NBEAL1: variants seen among roughly 807,000 people sequenced by gnomAD.
NBEAL1 encodes neurobeachin-like protein 1.
Under a neutral mutation model 351.3 loss-of-function variants are expected in NBEAL1, and 273 were observed. That is an observed-to-expected ratio of 0.78 (90% CI 0.70 to 0.86). NBEAL1 has a LOEUF of 0.86. Ranked by LOEUF, NBEAL1 falls within the 40% of genes least tolerant of loss-of-function variation. The pLI is 0.00. For missense variants in NBEAL1, 2,961 were observed against 3,201.3 expected, an observed-to-expected ratio of 0.92 and a Z score of 1.81; for synonymous variants, 1,050 against 1,086.4, an observed-to-expected ratio of 0.97 and a Z score of 0.66.
At chr2:203,063,105 G>A (rs2061525805) in intron 6 of NBEAL1, among the ~76,000 whole-genome samples, 1 of 152,080 alleles carries the variant, frequency 6.6e-6, no homozygotes, top group African/African-American at 2.4e-5. Context: ...TGATTAATCT[G>A]TTATCAATTT....
chr2:203,079,761 G>T (rs2061840328), intron 8 of NBEAL1, among the ~76,000 whole-genome samples: 1 of 151,924 alleles, frequency 6.6e-6, no homozygotes, highest in Non-Finnish European at 1.5e-5. Context: ...AATACACTAG[G>T]CATATTACCT....
intron 27 of NBEAL1, among the ~76,000 whole-genome samples, chr2:203,133,952 T>G (rs951510144): frequency 1.3e-5 from 2 of 152,072 alleles, no homozygotes; most frequent in African/African-American, 4.8e-5. Flanking sequence ...ACATTTAGGT[T>G]GTTTCCTGCT....
At chr2:203,149,178 CT>C (rs764223471) in intron 34 of NBEAL1, 30 bp downstream of exon 34, 3 of 1,540,410 alleles carry the variant, frequency 1.9e-6, no homozygotes, top group South Asian at 2.5e-5. Flanking sequence ...TTAAGTACTC[CT>C]TTTTCTTTAG....
intron 12 of NBEAL1, among the ~76,000 whole-genome samples, chr2:203,100,435 G>T (rs1243756338): frequency 6.6e-6 from 1 of 152,030 alleles, no homozygotes; most frequent in Non-Finnish European, 1.5e-5. Flanking sequence ...TTTAATAATA[G>T]CCATTCTGAC....
chr2:203,110,427 C>A, intron 15 of NBEAL1, 145 bp downstream of exon 15: 1 of 790,290 alleles, frequency 1.3e-6, no homozygotes, highest in Non-Finnish European at 1.9e-6. Flanking sequence ...AATCCCAGCA[C>A]TTTAGGAGCC....
At chr2:203,023,934 C>T (rs1011838862) in intron 2 of NBEAL1, among the ~76,000 whole-genome samples, 3 of 152,052 alleles carry the variant, frequency 2.0e-5, no homozygotes, top group Non-Finnish European at 2.9e-5. Flanking sequence ...AGTGAGATCA[C>T]GTCTCTGTTA....
intron 42 of NBEAL1, 22 bp from the exon 43 acceptor site, chr2:203,180,360 C>G: frequency 6.3e-7 from 1 of 1,588,170 alleles, no homozygotes; most frequent in Non-Finnish European, 8.5e-7. Flanking sequence ...ATATTTACTT[C>G]TCTTTTAATT....
chr2:203,144,986 G>A (rs767467564), intron 32 of NBEAL1, 25 bp from the exon 33 acceptor site: 154 of 1,511,232 alleles, frequency 1.0e-4, no homozygotes, highest in Non-Finnish European at 1.3e-4. Context: ...TAAATTTTAT[G>A]TATCTTTTTT....
At chr2:203,196,671 G>GATAC (rs778947312) in intron 47 of NBEAL1, among the ~76,000 whole-genome samples, 5 of 152,128 alleles carry the variant, frequency 3.3e-5, no homozygotes, top group Non-Finnish European at 7.4e-5. Context: ...AACAACACCT[G>GATAC]ATACATAGTA....
At chr2:203,187,367 G>GT (rs71034225) in intron 44 of NBEAL1, among the ~76,000 whole-genome samples, 26,561 of 87,766 alleles carry the variant, frequency 0.3, 4,678 homozygotes, top group East Asian at 0.57. Context: ...TCTTGCAATG[G>GT]TTTTTTTTTT....
chr2:203,080,598 A>G (rs2061855379), intron 8 of NBEAL1, among the ~76,000 whole-genome samples: 1 of 151,912 alleles, frequency 6.6e-6, no homozygotes, highest in Admixed American at 6.6e-5. Flanking sequence ...GCACTAGTGA[A>G]ATTTCCATTT....
chr2:203,051,301 T>C (rs1473809643), intron 4 of NBEAL1, among the ~76,000 whole-genome samples: 1 of 152,180 alleles, frequency 6.6e-6, no homozygotes, highest in African/African-American at 2.4e-5. Flanking sequence ...CCCAGCACTT[T>C]GGAAGGCCGA....
intron 15 of NBEAL1, among the ~76,000 whole-genome samples, chr2:203,110,880 C>G (rs992966615): frequency 6.8e-6 from 1 of 147,762 alleles, no homozygotes; most frequent in Admixed American, 6.9e-5. Context: ...ATTCTCCTGT[C>G]TCAGCCTCCC....
chr2:203,207,984 A>G (rs971933846), intron 51 of NBEAL1, among the ~76,000 whole-genome samples: 4 of 152,214 alleles, frequency 2.6e-5, no homozygotes, highest in African/African-American at 9.6e-5. Flanking sequence ...GATCCCAATA[A>G]ATGGAAAAAT....
chr2:203,167,389 A>G, intron 38 of NBEAL1, 29 bp downstream of exon 38: 2 of 1,562,680 alleles, frequency 1.3e-6, no homozygotes, highest in South Asian at 2.4e-5. Flanking sequence ...GGAAATCCCA[A>G]AATGCTAGCT....
At chr2:203,079,532 CT>C (rs2061835812) in intron 8 of NBEAL1, among the ~76,000 whole-genome samples, 1 of 151,914 alleles carries the variant, frequency 6.6e-6, no homozygotes, top group South Asian at 2.1e-4. Flanking sequence ...TTCCCTCCCT[CT>C]GTTTCTTTCT....
At chr2:203,031,039 G>A (rs1215526295) in intron 2 of NBEAL1, among the ~76,000 whole-genome samples, 1 of 152,172 alleles carries the variant, frequency 6.6e-6, no homozygotes, top group Non-Finnish European at 1.5e-5. Flanking sequence ...TGTAAGATAT[G>A]CCATTACTTT....
intron 31 of NBEAL1, among the ~76,000 whole-genome samples, chr2:203,139,045 C>T (rs2063296631): frequency 6.6e-6 from 1 of 151,918 alleles, no homozygotes. Flanking sequence ...TGCTAGGTAG[C>T]CTGTGTAGAC....
At chr2:203,216,898 G>A (rs1351997103) in intron 55 of NBEAL1, among the ~76,000 whole-genome samples, 2 of 152,164 alleles carry the variant, frequency 1.3e-5, no homozygotes, top group Non-Finnish European at 2.9e-5. Flanking sequence ...CTGCCTCTCA[G>A]GTTCAAGCAA....
Sources: gnomAD v4.1 joint callset for allele counts (sites outside exome capture counted in the v4.1 genomes callset) on GRCh38, gnomAD v4.1.1 for gene constraint, MANE v1.5 for transcripts, NCBI Gene and HGNC (gene_info 2026-07-23, HGNC 2026-07-21) for gene names.